The following PRKG1 variants were observed in gnomAD, a reference collection of about 807,000 sequenced individuals.
PRKG1 encodes cGMP-dependent protein kinase 1.
In PRKG1, 35 loss-of-function variants were observed where a neutral mutation model predicts 88.1. The ratio of observed to expected loss-of-function variants is 0.40; its 90% CI spans 0.30 to 0.53. PRKG1 has a LOEUF of 0.53. PRKG1 is among the 20% of genes least tolerant of loss of function. PRKG1 has a pLI of 0.59. For missense variants in PRKG1, 540 were observed against 839.8 expected (o/e 0.64, Z 4.41); for synonymous variants, 303 against 292.5 (o/e 1.04, Z -0.37).
chr10:51,515,475 A>T, intron 3 of PRKG1, among the ~76,000 whole-genome samples: 1 of 152,302 alleles, frequency 6.6e-6, no homozygotes, highest in Non-Finnish European at 1.5e-5. Context: ...GAGACACGTG[A>T]AATCTTAGTA....
At chr10:51,136,928 G>A (rs556219043) in intron 1 of PRKG1, among the ~76,000 whole-genome samples, 1 of 151,370 alleles carries the variant, frequency 6.6e-6, no homozygotes, top group Admixed American at 6.6e-5. Flanking sequence ...TTTTTGAGAC[G>A]GATTTCTCTG....
At chr10:51,643,883 C>A (rs965867441) in intron 3 of PRKG1, among the ~76,000 whole-genome samples, 34 of 152,282 alleles carry the variant, frequency 2.2e-4, no homozygotes, top group African/African-American at 7.9e-4. Flanking sequence ...TGTCCCATCA[C>A]CCAGCATCAA....
chr10:51,978,726 G>T (rs1843914586), intron 5 of PRKG1, among the ~76,000 whole-genome samples: 1 of 151,466 alleles, frequency 6.6e-6, no homozygotes, highest in African/African-American at 2.4e-5. Context: ...CTGTCATTTG[G>T]GGATGGGACT....
At chr10:52,117,479 G>A (rs1847715967) in intron 7 of PRKG1, among the ~76,000 whole-genome samples, 1 of 152,020 alleles carries the variant, frequency 6.6e-6, no homozygotes, top group Non-Finnish European at 1.5e-5. Flanking sequence ...GCTGGGGATG[G>A]TTTTGGTGTG....
At position 51,806,170 on chromosome 10, in the gene PRKG1, A is replaced by G. The variant is rs1016422101; in HGVS notation, c.698+1480A>G. Among the ~76,000 whole-genome samples, 5 of 152,194 alleles carry G rather than the reference A, an allele frequency of 3.3e-5. No homozygotes were observed. The East Asian group carries it at 9.6e-4, about 29-fold the overall frequency. ...TTCTTCTAGTGCAGCTCTGATAAAGATTACAACTGGTAATCAATGAAATGG... is the reference window on the plus strand; with the variant it reads ...TTCTTCTAGTGCAGCTCTGATAAAGGTTACAACTGGTAATCAATGAAATGG... On this transcript the variant is annotated intron_variant, in intron 4 of 17. Transcript: ENST00000373980.
Position 52,050,124 on chromosome 10 carries a change from A to T in PRKG1, c.763-4360A>T, listed in dbSNP as rs1455177357. Reference sequence around the variant, plus strand: ...TGAGAGAAGGCTAAGATCTGAAAGAAAAGTAGGATATAACTAGGGAAGCAG... The same window carrying T: ...TGAGAGAAGGCTAAGATCTGAAAGATAAGTAGGATATAACTAGGGAAGCAG... On this transcript the variant is annotated intron_variant, in intron 5 of 17. Transcript: ENST00000373980. Among the ~76,000 whole-genome samples the T allele has an allele frequency of 3.9e-5, 6 of 152,120 alleles. No individual in the cohort carries two copies. The East Asian group carries it at 1.2e-3, about 29-fold the overall frequency.
rs142630458 is a variant in PRKG1 at position 51,957,393 on chromosome 10, G to A, written c.762+49823G>A. Among the ~76,000 whole-genome samples the A allele has an allele frequency of 2.5e-3, 386 of 151,572 alleles. 3 individuals carry two copies. Among genetic ancestry groups the A allele is most frequent in the African/African-American group, 8.7e-3 (358 of 41,258 alleles). On this transcript the variant is annotated intron_variant, in intron 5 of 17. Transcript: ENST00000373980. ...TACAACCTAAGACTCCTGGGCTCAA[G>A]TGATCCTCCTGCCACCGCATCTACA...
rs142492371 is a variant in PRKG1 at position 51,150,435 on chromosome 10, A to C, written c.312-2729A>C. ...CTAAGGTTTTCAGTCCTCAATAGGA[A>C]AGGACTTAAAGGAAAATTACATGAA... On this transcript the variant is annotated intron_variant, in intron 1 of 17. Coordinates refer to ENST00000373980, the MANE Select transcript of PRKG1 (RefSeq NM_006258.4). Among the ~76,000 whole-genome samples the C allele has an allele frequency of 2.6e-5, 4 of 152,276 alleles. No individual in the cohort carries two copies. In the East Asian group the frequency reaches 7.7e-4, roughly 29 times the overall value.
At chr10:51,427,291 G>A (rs529149235) in intron 2 of PRKG1, among the ~76,000 whole-genome samples, 8 of 152,284 alleles carry the variant, frequency 5.3e-5, no homozygotes, top group South Asian at 4.1e-4. Flanking sequence ...CTACAGTACC[G>A]TGTGAGCAAA....
At chr10:51,708,159 G>T (rs1336664695) in intron 3 of PRKG1, among the ~76,000 whole-genome samples, 1 of 152,124 alleles carries the variant, frequency 6.6e-6, no homozygotes, top group African/African-American at 2.4e-5. Context: ...GTGCAAGTAG[G>T]TTAGGTTTTT....
intron 2 of PRKG1, among the ~76,000 whole-genome samples, chr10:51,199,742 C>G (rs1338670087): frequency 2.0e-5 from 3 of 152,204 alleles, no homozygotes; most frequent in Non-Finnish European, 4.4e-5. Context: ...TCAAGGCAGC[C>G]TCCTTTGCCA....
At chr10:52,238,562 A>G (rs1391955984) in intron 9 of PRKG1, among the ~76,000 whole-genome samples, 1 of 151,702 alleles carries the variant, frequency 6.6e-6, no homozygotes, top group East Asian at 2.0e-4. Context: ...CAAAAAACAC[A>G]TGAAAAAATG....
intron 2 of PRKG1, among the ~76,000 whole-genome samples, chr10:51,217,152 C>T (rs1838393994): frequency 6.6e-6 from 1 of 152,006 alleles, no homozygotes; most frequent in South Asian, 2.1e-4. Flanking sequence ...TGTATGTGTA[C>T]CTTTATATGC....
intron 3 of PRKG1, among the ~76,000 whole-genome samples, chr10:51,570,852 G>A (rs1837734808): frequency 6.6e-6 from 1 of 151,836 alleles, no homozygotes; most frequent in Non-Finnish European, 1.5e-5. Context: ...CTATCCTACA[G>A]CCCCAATATA....
intron 3 of PRKG1, among the ~76,000 whole-genome samples, chr10:51,571,309 C>T: frequency 6.6e-6 from 1 of 151,656 alleles, no homozygotes. Flanking sequence ...TAGACAAATC[C>T]TATGTTTAAC....
At chr10:51,493,166 T>C (rs1840752458) in intron 3 of PRKG1, among the ~76,000 whole-genome samples, 1 of 152,168 alleles carries the variant, frequency 6.6e-6, no homozygotes, top group African/African-American at 2.4e-5. Context: ...TCCCCTTGAA[T>C]ATTTAGAAAA....
intron 3 of PRKG1, among the ~76,000 whole-genome samples, chr10:51,552,139 A>T (rs1307254719): frequency 6.6e-6 from 1 of 151,708 alleles, no homozygotes. Context: ...GTCTTATCTC[A>T]GATGGTGATT....
chr10:51,463,298 A>G (rs293295), intron 2 of PRKG1, among the ~76,000 whole-genome samples: 53,553 of 151,926 alleles, frequency 0.35, 10,465 homozygotes, highest in African/African-American at 0.5. Flanking sequence ...GTAATATATA[A>G]AAACCTCCAA....
chr10:51,146,302 T>G (rs982798879), intron 1 of PRKG1, among the ~76,000 whole-genome samples: 1 of 152,180 alleles, frequency 6.6e-6, no homozygotes, highest in African/African-American at 2.4e-5. Context: ...GATGGCTCAT[T>G]ATAGTTTTGA....
Sources: gnomAD v4.1 joint callset for allele counts (sites outside exome capture counted in the v4.1 genomes callset) on GRCh38, gnomAD v4.1.1 for gene constraint, MANE v1.5 for transcripts, NCBI Gene and HGNC (gene_info 2026-07-23, HGNC 2026-07-21) for gene names.